The following GLIS1 variants were observed in gnomAD, a reference collection of about 807,000 sequenced individuals.
The protein encoded by GLIS1 is GLIS family zinc finger 1, also known as zinc finger protein GLIS1.
Under a neutral mutation model 63.8 loss-of-function variants are expected in GLIS1, and 24 were observed. The observed-to-expected ratio is 0.38, with a 90% CI of 0.27 to 0.53. The LOEUF is 0.53. GLIS1 is among the 20% of genes least tolerant of loss of function. The probability of loss-of-function intolerance (pLI) is 0.85; values close to 1 mark genes in which losing one functional copy is unlikely to be tolerated. For synonymous variants in GLIS1, 450 were observed against 482.5 expected (o/e 0.93, Z 0.88); for missense variants, 1,036 against 1,074.1 (o/e 0.96, Z 0.50).
At chr1:53,543,065 A>C (rs1644660589) in intron 4 of GLIS1, among the ~76,000 whole-genome samples, 1 of 152,274 alleles carries the variant, frequency 6.6e-6, no homozygotes, top group Non-Finnish European at 1.5e-5. Flanking sequence ...GAAGATGGGC[A>C]GTGATCTGTG....
intron 4 of GLIS1, among the ~76,000 whole-genome samples, chr1:53,546,458 T>A (rs529962504): frequency 6.6e-6 from 1 of 152,308 alleles, no homozygotes; most frequent in South Asian, 2.1e-4. Context: ...CAGGTTCAAG[T>A]CCCAGCCCTG....
chr1:53,520,842 G>T (rs1644401141), intron 6 of GLIS1, 76 bp from the exon 7 acceptor site: 3 of 1,456,150 alleles, frequency 2.1e-6, no homozygotes, highest in Non-Finnish European at 1.8e-6. Flanking sequence ...TTAGGGGACA[G>T]GGCAGAAAGG....
intron 2 of GLIS1, among the ~76,000 whole-genome samples, chr1:53,670,651 C>T (rs1051300847): frequency 1.3e-5 from 2 of 152,216 alleles, no homozygotes; most frequent in African/African-American, 2.4e-5. Context: ...TGCTGGGTCT[C>T]CCTGAGTTCC....
intron 4 of GLIS1, among the ~76,000 whole-genome samples, chr1:53,556,982 ATGTG>A (rs369511037): frequency 0.014 from 2,019 of 147,106 alleles, 49 homozygotes; most frequent in African/African-American, 0.049. Flanking sequence ...GTGTGTGCAG[ATGTG>A]TGTGTTCGTG....
chr1:53,677,602 G>A lies in GLIS1; in HGVS notation c.259+60204C>T, dbSNP rs373281222. ...CTAAACAAATTAGTTTACATCTGGC[G>A]ATGTACAAATAAATTGAGGGGCCTC... On this transcript the variant is annotated intron_variant, in intron 2 of 10. Transcript: ENST00000628545. Among the ~76,000 whole-genome samples the A allele has an allele frequency of 6.6e-5, 10 of 152,388 alleles. No individual in the cohort carries two copies. The East Asian group carries it at 1.3e-3, about 21-fold the overall frequency.
chr1:53,534,156 T>G (rs1480587400), intron 4 of GLIS1, among the ~76,000 whole-genome samples: 2 of 151,828 alleles, frequency 1.3e-5, no homozygotes, highest in Non-Finnish European at 2.9e-5. Context: ...CCCCCACCAT[T>G]GGGTTGTGGG....
chr1:53,686,669 A>G (rs1481753582), intron 2 of GLIS1, among the ~76,000 whole-genome samples: 2 of 152,200 alleles, frequency 1.3e-5, no homozygotes, highest in Non-Finnish European at 2.9e-5. Context: ...TGAAAGATAC[A>G]GGAAGGAGTC....
chr1:53,678,177 A>G (rs1159933702), intron 2 of GLIS1, among the ~76,000 whole-genome samples: 1 of 152,046 alleles, frequency 6.6e-6, no homozygotes, highest in Admixed American at 6.5e-5. Flanking sequence ...GATGTCCCCA[A>G]CAGATGTCCC....
intron 2 of GLIS1, among the ~76,000 whole-genome samples, chr1:53,692,739 G>A (rs1469311225): frequency 6.6e-6 from 1 of 152,242 alleles, no homozygotes; most frequent in Non-Finnish European, 1.5e-5. Flanking sequence ...CTGTGAAGAA[G>A]GGAAGTTGGG....
At chr1:53,643,765 A>G (rs1645812687) in intron 2 of GLIS1, among the ~76,000 whole-genome samples, 1 of 152,174 alleles carries the variant, frequency 6.6e-6, no homozygotes, top group South Asian at 2.1e-4. Flanking sequence ...AAGCCTGTGG[A>G]GCAGCACCCC....
At chr1:53,612,426 G>C (rs748865803) in intron 2 of GLIS1, among the ~76,000 whole-genome samples, 1 of 152,072 alleles carries the variant, frequency 6.6e-6, no homozygotes, top group Non-Finnish European at 1.5e-5. Context: ...ATTTTTAGTA[G>C]AGACGGGGTT....
chr1:53,715,459 A>G (rs1416415940), intron 2 of GLIS1, among the ~76,000 whole-genome samples: 1 of 152,224 alleles, frequency 6.6e-6, no homozygotes, highest in African/African-American at 2.4e-5. Flanking sequence ...CTTGGAGGCC[A>G]GGGCAGAAGA....
chr1:53,663,356 GGGCTGCCAA>G (rs1447376770), intron 2 of GLIS1, among the ~76,000 whole-genome samples: 2 of 152,254 alleles, frequency 1.3e-5, no homozygotes, highest in East Asian at 3.8e-4. Context: ...AGAGGCCTGG[GGGCTGCCAA>G]GGCTGAGGAG....
chr1:53,514,824 C>A (rs1180076728), intron 7 of GLIS1, 43 bp from the exon 8 acceptor site: 1 of 1,518,446 alleles, frequency 6.6e-7, no homozygotes, highest in South Asian at 1.3e-5. Flanking sequence ...TGGCCACTCC[C>A]TAGAGATGGT....
chr1:53,732,136 A>G (rs1646867732), intron 2 of GLIS1, among the ~76,000 whole-genome samples: 1 of 152,256 alleles, frequency 6.6e-6, no homozygotes, highest in South Asian at 2.1e-4. Flanking sequence ...CATCTGACTC[A>G]AATGCTAACT....
chr1:53,644,778 C>A lies in GLIS1; in HGVS notation c.260-44500G>T, dbSNP rs567698068. Among the ~76,000 whole-genome samples the A allele has an allele frequency of 8.5e-5, 13 of 152,280 alleles. No individual in the cohort carries two copies. The South Asian group carries it at 2.7e-3, about 32-fold the overall frequency. On this transcript the variant is annotated intron_variant, in intron 2 of 10. Transcript: ENST00000628545. The stretch of plus-strand genomic sequence containing the variant: ...GGGTCCGGCATCATCCCACAGGCCA[C>A]AGAGAGGATCCAGAATTGCATCCTG...
Position 53,529,906 on chromosome 1 carries a change from A to T in GLIS1, c.1367T>A (p.Ile456Asn). Residue 456 changes from isoleucine (I) to asparagine (N), a missense_variant, in exon 5 of 11, where the codon ATC becomes AAC. Ile to Asn is a moderately radical substitution (Grantham distance 149). This residue lies in a region of GLIS1 where 44 missense variants were observed against 79.3 expected (regional missense o/e 0.55). Transcript: ENST00000628545. ...KAFSRLENLK[I>N]HLRSHTGEKP... ...CTCGCCCGTGTGGCTCCTCAGGTGGATCTTGAGGTTCTCCAGCCGTGAGAA... is the reference window on the plus strand; with the variant it reads ...CTCGCCCGTGTGGCTCCTCAGGTGGTTCTTGAGGTTCTCCAGCCGTGAGAA... The T allele has an allele frequency of 1.2e-6, 2 of 1,613,722 alleles. No homozygotes were observed. The highest frequency in any genetic ancestry group is 1.7e-6 in the Non-Finnish European group (2 of 1,179,940).
chr1:53,732,793 A>C (rs906257819), intron 2 of GLIS1, among the ~76,000 whole-genome samples: 1 of 84,316 alleles, frequency 1.2e-5, no homozygotes, highest in African/African-American at 3.8e-5. Context: ...TTGCAACGGA[A>C]ATCTATATTA....
chr1:53,716,441 C>T (rs59025574), intron 2 of GLIS1, among the ~76,000 whole-genome samples: 1,876 of 152,098 alleles, frequency 0.012, 31 homozygotes, highest in African/African-American at 0.043. Flanking sequence ...GAGTCATCAT[C>T]GGCATGTCAG....
Sources: allele counts gnomAD v4.1 joint callset (sites outside exome capture counted in the v4.1 genomes callset), GRCh38; gene constraint gnomAD v4.1.1; regional missense constraint gnomAD v4.1.1; transcripts MANE v1.5; gene names NCBI Gene and HGNC (gene_info 2026-07-23, HGNC 2026-07-21).